The following ZCWPW2 variants were observed in gnomAD, a reference collection of about 807,000 sequenced individuals.
ZCWPW2 encodes zinc finger CW-type and PWWP domain containing 2.
ZCWPW2 carries 45 observed loss-of-function variants against 46.6 expected under a neutral mutation model. The observed-to-expected ratio is 0.96, with a 90% CI of 0.76 to 1.24. The LOEUF (loss-of-function observed/expected upper bound fraction) is 1.24, where lower values mean the gene tolerates loss of function less well. Among genes scored for constraint, ZCWPW2 ranks in the 50% most tolerant of loss-of-function variants. ZCWPW2 has a pLI of 0.00. For synonymous variants in ZCWPW2, 152 were observed against 137.1 expected (o/e 1.11, Z -0.76); for missense variants, 429 against 403.9 (o/e 1.06, Z -0.53).
chr3:28,387,458 C>A (rs769489912), intron 1 of ZCWPW2, among the ~76,000 whole-genome samples: 10 of 152,114 alleles, frequency 6.6e-5, no homozygotes, highest in Admixed American at 2.0e-4. Flanking sequence ...TGTCTTAAAC[C>A]AGTCTCCAAG....
At chr3:28,436,042 A>G (rs1025605736) in intron 4 of ZCWPW2, among the ~76,000 whole-genome samples, 2 of 152,236 alleles carry the variant, frequency 1.3e-5, no homozygotes, top group Admixed American at 6.5e-5. Flanking sequence ...TAAATCTCAC[A>G]TTATAATTAA....
intron 6 of ZCWPW2, among the ~76,000 whole-genome samples, chr3:28,512,087 A>G (rs1700441872): frequency 6.6e-6 from 1 of 151,730 alleles, no homozygotes; most frequent in African/African-American, 2.4e-5. Flanking sequence ...GTTCCTGGAT[A>G]TTGTTTTGAT....
intron 6 of ZCWPW2, among the ~76,000 whole-genome samples, chr3:28,510,768 A>G (rs951010447): frequency 6.6e-6 from 1 of 152,194 alleles, no homozygotes; most frequent in African/African-American, 2.4e-5. Flanking sequence ...AGGAACCTCA[A>G]CCAACCTGAG....
chr3:28,430,126 C>A (rs1697192646), intron 3 of ZCWPW2, among the ~76,000 whole-genome samples: 1 of 152,192 alleles, frequency 6.6e-6, no homozygotes, highest in Non-Finnish European at 1.5e-5. Flanking sequence ...TTGCACCGTG[C>A]AACTGGAAAA....
chr3:28,468,281 GA>G (rs971338629), intron 4 of ZCWPW2, among the ~76,000 whole-genome samples: 62 of 148,852 alleles, frequency 4.2e-4, no homozygotes, highest in Middle Eastern at 3.4e-3. Context: ...AGACAAAAGA[GA>G]AAAAAAAAGA....
chr3:28,382,403 A>T (rs1167844705), intron 1 of ZCWPW2, among the ~76,000 whole-genome samples: 1 of 152,242 alleles, frequency 6.6e-6, no homozygotes, highest in East Asian at 1.9e-4. Context: ...GACACTAGAC[A>T]TATTGGATTA....
intron 1 of ZCWPW2, 28 bp downstream of exon 1, chr3:28,349,231 G>T (rs1326339697): frequency 1.1e-5 from 11 of 983,834 alleles, no homozygotes; most frequent in Non-Finnish European, 1.3e-5. Flanking sequence ...CGTCTTGTCT[G>T]TTGGGCCGAG....
chr3:28,503,797 A>T (rs1700209476), intron 6 of ZCWPW2, among the ~76,000 whole-genome samples: 1 of 152,078 alleles, frequency 6.6e-6, no homozygotes, highest in East Asian at 1.9e-4. Context: ...GTTAAATGAC[A>T]CAGACCTATT....
At chr3:28,440,025 G>T (rs1223979855) in intron 4 of ZCWPW2, among the ~76,000 whole-genome samples, 1 of 152,200 alleles carries the variant, frequency 6.6e-6, no homozygotes, top group Non-Finnish European at 1.5e-5. Context: ...CATTCCTGAG[G>T]GGTCTGGGCT....
chr3:28,351,573 G>A (rs1704551062), intron 1 of ZCWPW2: 1 of 151,172 alleles, frequency 6.6e-6, no homozygotes, highest in African/African-American at 2.4e-5. Context: ...TCTTAAATGA[G>A]GACTTTGTCT....
chr3:28,442,919 C>G (rs951265173), intron 4 of ZCWPW2, among the ~76,000 whole-genome samples: 2 of 152,286 alleles, frequency 1.3e-5, no homozygotes, highest in Non-Finnish European at 2.9e-5. Flanking sequence ...TACTATTTCT[C>G]TAGGTAGAGG....
intron 1 of ZCWPW2, among the ~76,000 whole-genome samples, chr3:28,361,526 TAAAC>T (rs1265979532): frequency 2.7e-5 from 4 of 150,942 alleles, no homozygotes; most frequent in East Asian, 1.9e-4. Flanking sequence ...AAAGCAAAAA[TAAAC>T]AAGTGGGACT....
At chr3:28,404,037 A>C (rs1304093812) in intron 2 of ZCWPW2, among the ~76,000 whole-genome samples, 2 of 152,150 alleles carry the variant, frequency 1.3e-5, no homozygotes, top group Non-Finnish European at 2.9e-5. Context: ...AACAAAGACA[A>C]ATAGCTGGGA....
intron 3 of ZCWPW2, among the ~76,000 whole-genome samples, chr3:28,422,290 A>G (rs1041643059): frequency 9.9e-5 from 15 of 152,156 alleles, no homozygotes; most frequent in African/African-American, 3.6e-4. Flanking sequence ...GTGAATTTTG[A>G]CAAATGTATA....
intron 4 of ZCWPW2, among the ~76,000 whole-genome samples, chr3:28,476,858 C>T (rs1699253011): frequency 6.6e-6 from 1 of 152,100 alleles, no homozygotes; most frequent in South Asian, 2.1e-4. Flanking sequence ...CTAGATCTCT[C>T]CCACGTGCAG....
intron 4 of ZCWPW2, among the ~76,000 whole-genome samples, chr3:28,459,865 C>T (rs1433763717): frequency 1.1e-4 from 17 of 152,016 alleles, no homozygotes. Context: ...CCACATGTAG[C>T]AGTTGTTTAT....
chr3:28,354,363 G>A (rs1223263625), intron 1 of ZCWPW2, among the ~76,000 whole-genome samples: 1 of 117,634 alleles, frequency 8.5e-6, no homozygotes, highest in East Asian at 2.0e-4. Flanking sequence ...GCAATAAAGA[G>A]CCTACCAATG....
intron 6 of ZCWPW2, among the ~76,000 whole-genome samples, chr3:28,508,725 A>G (rs1700345052): frequency 1.3e-5 from 2 of 152,030 alleles, no homozygotes; most frequent in African/African-American, 2.4e-5. Flanking sequence ...ACGGGGTTTC[A>G]CCTTGTTGGC....
chr3:28,467,062 G>T (rs895528841), intron 4 of ZCWPW2, among the ~76,000 whole-genome samples: 6 of 152,126 alleles, frequency 3.9e-5, no homozygotes, highest in African/African-American at 1.2e-4. Flanking sequence ...TACTAATAGT[G>T]ATTTGACAGA....
Sources: allele counts gnomAD v4.1 joint callset (sites outside exome capture counted in the v4.1 genomes callset), GRCh38; gene constraint gnomAD v4.1.1; transcripts MANE v1.5; gene names NCBI Gene and HGNC (gene_info 2026-07-23, HGNC 2026-07-21).